Variants in ADGRD1 observed in about 807,000 individuals in gnomAD.
The protein encoded by ADGRD1 is adhesion G protein-coupled receptor D1.
A neutral mutation model predicts 113.4 loss-of-function variants in ADGRD1; 77 were observed. That is an observed-to-expected ratio of 0.68 (90% confidence interval 0.57 to 0.82). The LOEUF is 0.82. ADGRD1 is among the 40% of genes least tolerant of loss of function. The pLI is 0.00. For synonymous variants in ADGRD1, 474 were observed against 475.0 expected (o/e 1.00, Z 0.03); for missense variants, 1,036 against 1,139.1 (o/e 0.91, Z 1.30).
chr12:131,138,084 A>T, intron 23 of ADGRD1, 53 bp from the exon 24 acceptor site: 1 of 1,443,364 alleles, frequency 6.9e-7, no homozygotes, highest in Non-Finnish European at 9.7e-7. Flanking sequence ...TCCTCTGGTT[A>T]CGGCTGTTGC....
chr12:131,104,694 T>C (rs1191731900), intron 15 of ADGRD1, 137 bp from the exon 16 acceptor site: 1 of 577,582 alleles, frequency 1.7e-6, no homozygotes. Flanking sequence ...AACAGACATT[T>C]GGGCTGGGAG....
intron 13 of ADGRD1, among the ~76,000 whole-genome samples, chr12:131,032,764 T>A (rs1880931917): frequency 9.6e-6 from 1 of 104,596 alleles, no homozygotes; most frequent in African/African-American, 4.2e-5. Context: ...GAGGTGACGC[T>A]TATTAGAGAA....
At chr12:131,013,975 C>A (rs1241630308) in intron 12 of ADGRD1, among the ~76,000 whole-genome samples, 1 of 152,234 alleles carries the variant, frequency 6.6e-6, no homozygotes, top group South Asian at 2.1e-4. Flanking sequence ...GATAAGAATT[C>A]AAGGGACAGA....
intron 2 of ADGRD1, chr12:130,957,255 ACATCCACATG>A (rs1869740251): frequency 6.6e-6 from 1 of 152,366 alleles, no homozygotes; most frequent in Admixed American, 6.5e-5. Context: ...CAGACTACAC[ACATCCACATG>A]CATCCACACA....
At chr12:130,976,382 C>T (rs1872312989) in intron 4 of ADGRD1, among the ~76,000 whole-genome samples, 1 of 152,176 alleles carries the variant, frequency 6.6e-6, no homozygotes, top group African/African-American at 2.4e-5. Context: ...TGCTGTGGCA[C>T]AGTGTATCTC....
chr12:131,037,149 G>GCACCGGGCCTCACTCACA lies in ADGRD1; in HGVS notation c.1473+22809_1473+22810insCACCGGGCCTCACTCACA, dbSNP rs1566052775. On this transcript the variant is annotated intron_variant, in intron 13 of 24. Coordinates refer to ENST00000261654, the MANE Select transcript of ADGRD1 (RefSeq NM_198827.5). ...ACTCACTGCACCGGGCCTCACTCACGGCACCGGGCCTCACTCACTGTCCCA... is the reference window on the plus strand; with the variant it reads ...ACTCACTGCACCGGGCCTCACTCACGCACCGGGCCTCACTCACAGCACCGGGCCTCACTCACTGTCCCA... Among the ~76,000 whole-genome samples, 585 of 68,648 alleles carry GCACCGGGCCTCACTCACA rather than the reference G, an allele frequency of 8.5e-3. 15 individuals are homozygous for GCACCGGGCCTCACTCACA. Among genetic ancestry groups the GCACCGGGCCTCACTCACA allele is most frequent in the African/African-American group, 0.037 (556 of 15,232 alleles). The allele number at this position is 68,648 out of a possible 152,430, so 45.0% of individuals were successfully genotyped here. A position where few individuals can be genotyped will look rare whatever the true frequency, so the allele number is the denominator to read the frequency against.
rs559295872 is a variant in ADGRD1, at chr12:131,057,313, C to T, written c.1474-19488C>T. The stretch of plus-strand genomic sequence containing the variant: ...GTTCCTAATGTGTTGAGACACGCCG[C>T]GGACCAGAGAATGCTTGGAAGGGGA... On this transcript the variant is annotated intron_variant, in intron 13 of 24. Transcript: ENST00000261654. The surrounding 1 kb of genome is among the most constrained non-coding windows in gnomAD (Gnocchi z 4.2). Among the ~76,000 whole-genome samples the T allele has an allele frequency of 1.1e-4, 17 of 152,238 alleles. No homozygotes were observed. The highest frequency in any genetic ancestry group is 3.4e-4 in the African/African-American group (14 of 41,542).
At chr12:131,018,464 C>A (rs1195917) in intron 13 of ADGRD1, among the ~76,000 whole-genome samples, 81,679 of 151,552 alleles carry the variant, frequency 0.54, 23,615 homozygotes, top group East Asian at 0.78. Context: ...AGAGGGTCCA[C>A]CAGTGAGACA....
chr12:130,992,898 A>G (rs1276893790), intron 8 of ADGRD1, among the ~76,000 whole-genome samples: 1 of 152,182 alleles, frequency 6.6e-6, no homozygotes. Context: ...GTGAAGGCAG[A>G]GGGTGGATCG....
chr12:131,132,401 C>A (rs774188701), intron 21 of ADGRD1, among the ~76,000 whole-genome samples: 1 of 152,174 alleles, frequency 6.6e-6, no homozygotes, highest in African/African-American at 2.4e-5. Flanking sequence ...ACGGCCCAGC[C>A]GATTGCAGGT....
Position 130,985,553 on chromosome 12 carries a change from T to C in ADGRD1, c.491-1542T>C, listed in dbSNP as rs569300939. ...ATTTTTATGACAGGTTTAAGATTTT[T>C]TTTTTGTTTTTTTTGAGATGGAGTT... On this transcript the variant is annotated intron_variant, in intron 5 of 24. Coordinates refer to ENST00000261654, the MANE Select transcript of ADGRD1 (RefSeq NM_198827.5). Among the ~76,000 whole-genome samples, 213 of 52,800 alleles carry C rather than the reference T, an allele frequency of 4.0e-3. 3 individuals carry two copies. Among genetic ancestry groups the C allele is most frequent in the Middle Eastern group, 0.011 (1 of 94 alleles). The allele number at this position is 52,800 out of a possible 152,430, so 34.6% of individuals were successfully genotyped here.
intron 17 of ADGRD1, among the ~76,000 whole-genome samples, chr12:131,106,947 A>G (rs922276457): frequency 2.0e-5 from 3 of 152,154 alleles, no homozygotes; most frequent in African/African-American, 7.2e-5. Flanking sequence ...TGGAGCTCAG[A>G]ATGCTGTATT....
chr12:131,101,826 A>C (rs1468211609), intron 15 of ADGRD1, among the ~76,000 whole-genome samples: 3 of 152,208 alleles, frequency 2.0e-5, no homozygotes, highest in East Asian at 3.9e-4. Flanking sequence ...TGTGAGAGAC[A>C]AGACTTTTCA....
rs1871620860 is a variant in ADGRD1 at position 130,971,339 on chromosome 12, TA to T, written c.188-118del. ...AATAATATATGATGTTATAAATATA[TA>T]CTTAGATAAATAATAATGCATACTT... On this transcript the variant is annotated intron_variant, in intron 3 of 24. Coordinates refer to ENST00000261654, the MANE Select transcript of ADGRD1 (RefSeq NM_198827.5). The surrounding 1 kb of genome is among the most constrained non-coding windows in gnomAD (Gnocchi z 4.2). 1.9e-6 allele frequency: 1 copy of T among 527,622 alleles called. No homozygotes were observed. The highest frequency in any genetic ancestry group is 3.3e-6 in the Non-Finnish European group (1 of 306,394). The allele number at this position is 527,622 out of a possible 1,614,324, so 32.7% of individuals were successfully genotyped here.
intron 13 of ADGRD1, among the ~76,000 whole-genome samples, chr12:131,017,377 A>G (rs34463381): frequency 0.12 from 15,175 of 131,428 alleles, 2,025 homozygotes; most frequent in East Asian, 0.62. Flanking sequence ...CACACAGTCC[A>G]CACACACCCA....
At chr12:131,108,937 G>T in intron 18 of ADGRD1, 60 bp downstream of exon 18, 1 of 875,372 alleles carries the variant, frequency 1.1e-6, no homozygotes, top group Non-Finnish European at 1.7e-6. Flanking sequence ...GACAGGTGGG[G>T]ATGGGGCAGG....
At chr12:130,960,237 G>A (rs777073122) in intron 2 of ADGRD1, among the ~76,000 whole-genome samples, 2 of 152,184 alleles carry the variant, frequency 1.3e-5, no homozygotes, top group Non-Finnish European at 2.9e-5. Context: ...CTGGTCCTGG[G>A]GCACATGGCA....
chr12:130,964,968 A>C (rs142857211), intron 2 of ADGRD1, among the ~76,000 whole-genome samples: 1 of 152,234 alleles, frequency 6.6e-6, no homozygotes, highest in African/African-American at 2.4e-5. Flanking sequence ...TTTTACAACA[A>C]ATTTTCTAAT....
intron 21 of ADGRD1, among the ~76,000 whole-genome samples, chr12:131,134,910 A>T (rs527470077): frequency 5.3e-5 from 8 of 152,368 alleles, no homozygotes; most frequent in African/African-American, 1.9e-4. Flanking sequence ...GCCTTTAAGG[A>T]ACCCACAGTC....
Sources: allele counts gnomAD v4.1 joint callset (sites outside exome capture counted in the v4.1 genomes callset), GRCh38; gene constraint gnomAD v4.1.1; non-coding constraint Gnocchi (gnomAD v3.1); transcripts MANE v1.5; gene names NCBI Gene and HGNC (gene_info 2026-07-23, HGNC 2026-07-21).